DICER1: variants seen among roughly 807,000 people sequenced by gnomAD.
DICER1 encodes dicer 1, ribonuclease III, also known as endoribonuclease Dicer.
DICER1 carries 43 observed loss-of-function variants against 194.1 expected under a neutral mutation model. That is an observed-to-expected ratio of 0.22 (90% confidence interval 0.17 to 0.29). The LOEUF is 0.29. Among genes scored for constraint, DICER1 ranks in the 10% least tolerant of loss-of-function variants. DICER1 has a pLI of 1.00. For synonymous variants in DICER1, 832 were observed against 820.5 expected (o/e 1.01, Z -0.24); for missense variants, 1,608 against 2,317.0 (o/e 0.69, Z 6.28).
chr14:95,107,913 C>A lies in DICER1; in HGVS notation c.2617G>T (p.Asp873Tyr). The part of the protein sequence containing the change: ...PALEFKPTDA[D>Y]SAYCVLPLNV... ...AGAGGTAGAACACAGTATGCTGAAT[C>A]AGCGTCTGTAGGTTTAAATTCTAGT... is the stretch of plus-strand genomic sequence containing the variant. The change falls in exon 16 of 27, where the codon GAT (aspartate) becomes TAT (tyrosine). Residue 873 changes from aspartate (D) to tyrosine (Y), a missense_variant. This residue lies in a region of DICER1 where 150 missense variants were observed against 216.0 expected (regional missense o/e 0.69). Coordinates refer to ENST00000343455, the MANE Select transcript of DICER1 (RefSeq NM_177438.3). The A allele has an allele frequency of 6.2e-7, 1 of 1,614,058 alleles. No individual in the cohort carries two copies. Among genetic ancestry groups the A allele is most frequent in the Non-Finnish European group, 8.5e-7 (1 of 1,179,968 alleles).
chr14:95,108,853 C>A (rs1891698383), intron 14 of DICER1, among the ~76,000 whole-genome samples: 1 of 152,120 alleles, frequency 6.6e-6, no homozygotes, highest in South Asian at 2.1e-4. Flanking sequence ...CTTCCTTGGG[C>A]TTTTTATGTA....
At position 95,131,913 on chromosome 14, in the gene DICER1, G is replaced by A. The variant is rs546319859; in HGVS notation, c.308-274C>T. On this transcript the variant is annotated intron_variant, in intron 3 of 26. Coordinates refer to ENST00000343455, the MANE Select transcript of DICER1 (RefSeq NM_177438.3). ...CTGATTTCCTCTAAGCCACCCTCCT[G>A]TTTTCTTCAATAAAATCAGATGGAA... Among the ~76,000 whole-genome samples, 5 of 152,034 alleles carry A rather than the reference G, an allele frequency of 3.3e-5. No homozygotes were observed. The East Asian group carries it at 9.7e-4, about 29-fold the overall frequency.
At chr14:95,098,370 T>C (rs925464738) in intron 22 of DICER1, among the ~76,000 whole-genome samples, 5 of 152,142 alleles carry the variant, frequency 3.3e-5, no homozygotes, top group Non-Finnish European at 1.5e-5. Context: ...CAGAGCAAGG[T>C]AGGGAGAATG....
At chr14:95,122,515 T>A (rs1893019713) in intron 8 of DICER1, among the ~76,000 whole-genome samples, 1 of 152,210 alleles carries the variant, frequency 6.6e-6, no homozygotes. Context: ...CTTCCTGCTG[T>A]AAAGCACTGG....
In DICER1 at chr14:95,124,306, T is replaced by C. The variant is rs1232898911; in HGVS notation, c.1266A>G (p.Glu422=). ...WSDSEDDDED[E]EIEEKEKPET... ...CTGGCTTCTCTTTTTCTTCAATTTC[T>C]TCATCCTCATCATCATCCTCAGAAT... Residue 422 remains glutamate, a synonymous_variant, in exon 8 of 27, where the codon GAA becomes GAG. Coordinates refer to ENST00000343455, the MANE Select transcript of DICER1 (RefSeq NM_177438.3). The surrounding 1 kb of genome is among the most constrained non-coding windows in gnomAD (Gnocchi z 4.5). The C allele has an allele frequency of 6.2e-7, 1 of 1,613,984 alleles. No homozygotes were observed. The highest frequency in any genetic ancestry group is 1.1e-5 in the South Asian group (1 of 91,076).
rs558362146 is a variant in DICER1 at position 95,102,556 on chromosome 14, C to T, written c.4050+790G>A. On this transcript the variant is annotated intron_variant, in intron 21 of 26. Coordinates refer to ENST00000343455, the MANE Select transcript of DICER1 (RefSeq NM_177438.3). The stretch of plus-strand genomic sequence containing the variant: ...GCCATCTGTTCACTTTGCTTATGCA[C>T]TGTCAACTTGCCTCCTCCATTAATG... Among the ~76,000 whole-genome samples the T allele has an allele frequency of 2.0e-5, 3 of 152,300 alleles. No homozygotes were observed. The South Asian group carries it at 6.2e-4, about 32-fold the overall frequency.
intron 14 of DICER1, 129 bp downstream of exon 14, chr14:95,111,188 A>C: frequency 1.0e-6 from 1 of 960,412 alleles, no homozygotes; most frequent in Non-Finnish European, 1.7e-6. Context: ...CGGAGAAAGG[A>C]GCTGAGATCC....
chr14:95,145,889 A>G (rs1895098375), intron 1 of DICER1, among the ~76,000 whole-genome samples: 1 of 152,224 alleles, frequency 6.6e-6, no homozygotes, highest in African/African-American at 2.4e-5. Context: ...ATTACCACAC[A>G]CACAAAAAAA....
At chr14:95,099,690 A>G in intron 22 of DICER1, 90 bp downstream of exon 22, 1 of 1,488,136 alleles carries the variant, frequency 6.7e-7, no homozygotes, top group Non-Finnish European at 8.9e-7. Flanking sequence ...AAAATTAATA[A>G]AACAAATTAT....
rs1555374798 is a variant in DICER1 at position 95,124,596 on chromosome 14, C to T, written c.976G>A (p.Val326Ile). 7 of 1,613,762 alleles carry T rather than the reference C, an allele frequency of 4.3e-6. No homozygotes were observed. The highest frequency in any genetic ancestry group is 3.3e-4 in the Middle Eastern group (2 of 6,062). ...TTGATGTATTTCTGTAGTTCTCTTA[C>T]CATCATTCCAGCTACTTTATCTGCA... ...WCADKVAGMM[V>I]RELQKYIKHE... Residue 326 changes from valine to isoleucine, a missense_variant, in exon 8 of 27, where the codon GTA becomes ATA. By Grantham distance (29) the Val-to-Ile change is conservative. Coordinates refer to ENST00000343455, the MANE Select transcript of DICER1 (RefSeq NM_177438.3). This position sits in a 1 kb window ranked among gnomAD's most constrained non-coding sequence, Gnocchi z 4.5.
chr14:95,094,307 A>G, intron 23 of DICER1, 151 bp from the exon 24 acceptor site: 1 of 1,025,530 alleles, frequency 9.8e-7, no homozygotes. Flanking sequence ...ATATCATACT[A>G]AAAAGCCTCT....
chr14:95,152,291 C>A (rs1412228078), intron 1 of DICER1, among the ~76,000 whole-genome samples: 2 of 152,108 alleles, frequency 1.3e-5, no homozygotes, highest in African/African-American at 4.8e-5. Flanking sequence ...ACGTACCTCA[C>A]AAAGCAAAAA....
intron 1 of DICER1, among the ~76,000 whole-genome samples, chr14:95,145,161 T>C (rs1016028370): frequency 1.9e-4 from 29 of 152,170 alleles, no homozygotes; most frequent in African/African-American, 7.0e-4. Flanking sequence ...GCAAAAATAT[T>C]AACATCAATA....
chr14:95,157,667 G>GGC (rs145124430), upstream of DICER1: 1,900 of 152,566 alleles, frequency 0.012, 20 homozygotes, highest in Non-Finnish European at 0.021. Flanking sequence ...GGAGACAGCG[G>GGC]GCGCGCGCGC....
At position 95,110,174 on chromosome 14, in the gene DICER1, A is replaced by C. The variant is rs1043006679; in HGVS notation, c.2256+1143T>G. ...CCAAATTTCTAAATTAAAAAAAAAC[A>C]CTTTTAATATTAAGCATTAAAATAA... On this transcript the variant is annotated intron_variant, in intron 14 of 26. Coordinates refer to ENST00000343455, the MANE Select transcript of DICER1 (RefSeq NM_177438.3). Among the ~76,000 whole-genome samples, 3 of 152,200 alleles carry C rather than the reference A, an allele frequency of 2.0e-5. No individual in the cohort carries two copies. The East Asian group carries it at 5.8e-4, about 29-fold the overall frequency.
Position 95,129,504 on chromosome 14 carries a change from A to G in DICER1, c.702T>C (p.Ala234=). Residue 234 remains alanine, a synonymous_variant, in exon 6 of 27, where the codon GCT becomes GCC. Coordinates refer to ENST00000343455, the MANE Select transcript of DICER1 (RefSeq NM_177438.3). ...AGACCACCAGGTCAGTTGCAGTTTC[A>G]GCATTACTCTTAAGAATTTTCTCTA... is the stretch of plus-strand genomic sequence containing the variant. The part of the protein sequence containing the change: ...QKLEKILKSN[A]ETATDLVVLD... 4.3e-6 allele frequency: 7 copies of G among 1,613,968 alleles called. No individual in the cohort carries two copies. Among genetic ancestry groups the G allele is most frequent in the Non-Finnish European group, 5.9e-6 (7 of 1,179,884 alleles).
chr14:95,111,566 A>G (rs761566320), intron 13 of DICER1, 110 bp from the exon 14 acceptor site: 163 of 1,195,968 alleles, frequency 1.4e-4, no homozygotes, highest in Non-Finnish European at 1.8e-4. Flanking sequence ...ATGGAAACTA[A>G]AGCACCTTTG....
At chr14:95,119,567 G>GA (rs1262644117) in intron 8 of DICER1, among the ~76,000 whole-genome samples, 2 of 152,118 alleles carry the variant, frequency 1.3e-5, no homozygotes, top group African/African-American at 2.4e-5. Context: ...TAACACCACA[G>GA]AAAAAATAAG....
In DICER1 at chr14:95,133,389, T is replaced by C. The variant is rs754439528; in HGVS notation, c.70A>G (p.Met24Val). ...CATGGCAGTCCAAAGAAAGGACCCA[T>C]TGGTGAGGAAGCAGGGGTCATGAGC... ...LQLMTPASSP[M>V]GPFFGLPWQQ... Residue 24 changes from methionine (M) to valine (V), a missense_variant, in exon 2 of 27, where the codon ATG becomes GTG. By Grantham distance (21) the Met-to-Val change is conservative. Transcript: ENST00000343455. 74 of 1,613,962 alleles carry C rather than the reference T, an allele frequency of 4.6e-5. No individual in the cohort carries two copies. The highest frequency in any genetic ancestry group is 5.8e-5 in the Non-Finnish European group (69 of 1,180,018).
Sources: gnomAD v4.1 joint callset for allele counts (sites outside exome capture counted in the v4.1 genomes callset) on GRCh38, gnomAD v4.1.1 for gene constraint, gnomAD v4.1.1 regional missense constraint, Gnocchi (gnomAD v3.1) non-coding constraint, MANE v1.5 for transcripts, NCBI Gene and HGNC (gene_info 2026-07-23, HGNC 2026-07-21) for gene names.